PCDH15: variants seen among roughly 807,000 people sequenced by gnomAD.
PCDH15 encodes protocadherin-15.
A neutral mutation model predicts 178.5 loss-of-function variants in PCDH15; 129 were observed. The observed-to-expected ratio is 0.72, with a 90% CI of 0.63 to 0.84. PCDH15 has a LOEUF of 0.84. Among genes scored for constraint, PCDH15 ranks in the 40% least tolerant of loss-of-function variants. The pLI is 0.00. For synonymous variants in PCDH15, 800 were observed against 732.0 expected (o/e 1.09, Z -1.50); for missense variants, 2,230 against 2,099.9 (o/e 1.06, Z -1.21).
intron 20 of PCDH15, among the ~76,000 whole-genome samples, chr10:54,013,101 GTT>G (rs1365150958): frequency 6.6e-6 from 1 of 151,944 alleles, no homozygotes; most frequent in African/African-American, 2.4e-5. Context: ...AAAAGCTGAA[GTT>G]GCTATCCAAA....
At chr10:55,257,271 G>A (rs535027537) in intron 1 of PCDH15, among the ~76,000 whole-genome samples, 3 of 152,074 alleles carry the variant, frequency 2.0e-5, no homozygotes, top group Non-Finnish European at 4.4e-5. Context: ...CACAAAGATG[G>A]GGAAAAAACA....
intron 2 of PCDH15, among the ~76,000 whole-genome samples, chr10:55,347,198 G>A (rs1844786269): frequency 6.6e-6 from 1 of 152,036 alleles, no homozygotes; most frequent in African/African-American, 2.4e-5. Context: ...CTGGGAAATA[G>A]AGGGAGACTG....
At chr10:54,608,484 G>C (rs887469501) in intron 2 of PCDH15, among the ~76,000 whole-genome samples, 1 of 151,842 alleles carries the variant, frequency 6.6e-6, no homozygotes, top group Admixed American at 6.6e-5. Context: ...GGTGACACAC[G>C]CCTATAGTTT....
At chr10:53,956,970 T>C (rs2087673638) in intron 23 of PCDH15, among the ~76,000 whole-genome samples, 1 of 152,192 alleles carries the variant, frequency 6.6e-6, no homozygotes, top group African/African-American at 2.4e-5. Flanking sequence ...TAAGCAAAGA[T>C]ACTTAATAAA....
At chr10:55,223,791 A>AG (rs754528320) in intron 1 of PCDH15, among the ~76,000 whole-genome samples, 1 of 152,192 alleles carries the variant, frequency 6.6e-6, no homozygotes, top group Admixed American at 6.5e-5. Context: ...TTTAAAATAA[A>AG]GGAAGATTTT....
At chr10:54,131,167 T>G (rs1323645661) in intron 15 of PCDH15, among the ~76,000 whole-genome samples, 1 of 152,178 alleles carries the variant, frequency 6.6e-6, no homozygotes, top group African/African-American at 2.4e-5. Flanking sequence ...ATAATATGTT[T>G]CCTAGATCTT....
At chr10:54,646,876 C>A (rs2094140559) in intron 2 of PCDH15, among the ~76,000 whole-genome samples, 1 of 151,984 alleles carries the variant, frequency 6.6e-6, no homozygotes, top group Admixed American at 6.6e-5. Context: ...ACTGGAACTC[C>A]TATACATGAT....
At chr10:54,833,798 A>C (rs1481912567) in intron 3 of PCDH15, among the ~76,000 whole-genome samples, 4 of 152,180 alleles carry the variant, frequency 2.6e-5, no homozygotes, top group Non-Finnish European at 4.4e-5. Flanking sequence ...GTACCAACTA[A>C]TTAGAGTGAA....
chr10:55,341,791 ATATATATATATATATTTTT>A (rs1262415372), intron 2 of PCDH15, among the ~76,000 whole-genome samples: 54 of 13,350 alleles, frequency 4.0e-3, no homozygotes, highest in African/African-American at 0.016. Context: ...ATATATATAT[ATATATATATATATATTTTT>A]TTTTTTTTTT....
At chr10:55,610,449 A>T (rs1843343465) in intron 2 of PCDH15, among the ~76,000 whole-genome samples, 2 of 152,062 alleles carry the variant, frequency 1.3e-5, no homozygotes, top group Admixed American at 1.3e-4. Flanking sequence ...ATTGGTTTTT[A>T]TCTCACTTTA....
intron 2 of PCDH15, among the ~76,000 whole-genome samples, chr10:54,955,547 C>CTAAATG (rs1838463839): frequency 6.6e-6 from 1 of 151,256 alleles, no homozygotes; most frequent in African/African-American, 2.4e-5. Context: ...GCCCTCTTTT[C>CTAAATG]TAAATGTAGC....
At chr10:55,377,082 G>C (rs1289923649) in intron 2 of PCDH15, among the ~76,000 whole-genome samples, 2 of 150,944 alleles carry the variant, frequency 1.3e-5, no homozygotes, top group Admixed American at 6.6e-5. Flanking sequence ...TCATATATTG[G>C]GCAATTGTGC....
intron 19 of PCDH15, among the ~76,000 whole-genome samples, chr10:54,022,519 A>T (rs928742364): frequency 6.6e-6 from 1 of 152,246 alleles, no homozygotes; most frequent in African/African-American, 2.4e-5. Context: ...AATGTGAAAT[A>T]AATTTAATGC....
At chr10:54,085,378 AT>A (rs2094499229) in intron 16 of PCDH15, among the ~76,000 whole-genome samples, 1 of 152,160 alleles carries the variant, frequency 6.6e-6, no homozygotes, top group Non-Finnish European at 1.5e-5. Flanking sequence ...CACAGACCCC[AT>A]GCTTCAGTGA....
At chr10:54,571,163 G>A (rs10825359) in intron 2 of PCDH15, among the ~76,000 whole-genome samples, 142,396 of 152,048 alleles carry the variant, frequency 0.94, 66,946 homozygotes, top group Middle Eastern at 0.98. Flanking sequence ...GGAGGGCCTC[G>A]AGCCAGAAAT....
chr10:54,348,600 A>G (rs1423996506), intron 5 of PCDH15, among the ~76,000 whole-genome samples: 3 of 145,342 alleles, frequency 2.1e-5, no homozygotes, highest in Admixed American at 6.9e-5. Flanking sequence ...AGAATTTTGT[A>G]TATTTGTTGT....
intron 14 of PCDH15, among the ~76,000 whole-genome samples, chr10:54,143,567 T>C (rs2043602773): frequency 6.6e-6 from 1 of 152,176 alleles, no homozygotes; most frequent in Non-Finnish European, 1.5e-5. Context: ...GATGTGTTCA[T>C]AAAGATTGTT....
At chr10:55,224,561 GATCC>G (rs1287625681) in intron 1 of PCDH15, among the ~76,000 whole-genome samples, 1 of 152,112 alleles carries the variant, frequency 6.6e-6, no homozygotes, top group Non-Finnish European at 1.5e-5. Context: ...AACCTTAGCT[GATCC>G]AACAGCAGAT....
chr10:55,341,772 T>C (rs1844566145), intron 2 of PCDH15, among the ~76,000 whole-genome samples: 1 of 12,298 alleles, frequency 8.1e-5, no homozygotes, highest in Admixed American at 8.6e-4. Flanking sequence ...CATATATATA[T>C]ATATATATAT....
Sources: gnomAD v4.1 joint callset for allele counts (sites outside exome capture counted in the v4.1 genomes callset) on GRCh38, gnomAD v4.1.1 for gene constraint, MANE v1.5 for transcripts, NCBI Gene and HGNC (gene_info 2026-07-23, HGNC 2026-07-21) for gene names.